NRG3: variants seen among roughly 807,000 people sequenced by gnomAD.
The protein encoded by NRG3 is neuregulin 3.
In NRG3, 31 loss-of-function variants were observed where a neutral mutation model predicts 66.9. That is an observed-to-expected ratio of 0.46 (90% CI 0.35 to 0.63). The LOEUF is 0.63. Among genes scored for constraint, NRG3 ranks in the 20% least tolerant of loss-of-function variants. NRG3 has a pLI of 0.00. For synonymous variants in NRG3, 393 were observed against 359.4 expected (o/e 1.09, Z -1.06); for missense variants, 910 against 878.9 (o/e 1.04, Z -0.45).
At chr10:82,905,598 A>C (rs923938289) in intron 4 of NRG3, among the ~76,000 whole-genome samples, 2 of 152,162 alleles carry the variant, frequency 1.3e-5, no homozygotes, top group Non-Finnish European at 2.9e-5. Context: ...TCTTGGGGAA[A>C]GTGTGCTTCC....
chr10:81,921,295 T>C (rs1002483192), intron 1 of NRG3, among the ~76,000 whole-genome samples: 29 of 152,122 alleles, frequency 1.9e-4, no homozygotes, highest in African/African-American at 7.0e-4. Context: ...TTGTGATTTG[T>C]TTGCTTATAA....
At chr10:82,597,422 A>C (rs1256305994) in intron 2 of NRG3, among the ~76,000 whole-genome samples, 2 of 152,208 alleles carry the variant, frequency 1.3e-5, no homozygotes, top group Admixed American at 1.3e-4. Flanking sequence ...AATGCAGATT[A>C]GCTTTTTATC....
intron 1 of NRG3, among the ~76,000 whole-genome samples, chr10:82,250,049 C>T (rs1225133834): frequency 6.6e-6 from 1 of 152,138 alleles, no homozygotes; most frequent in African/African-American, 2.4e-5. Flanking sequence ...GGCTTGTTAT[C>T]CCCCAGAGCC....
intron 8 of NRG3, among the ~76,000 whole-genome samples, chr10:82,982,166 C>T (rs775872266): frequency 2.0e-5 from 3 of 152,146 alleles, no homozygotes; most frequent in East Asian, 1.9e-4. Flanking sequence ...CAGAGGGAAG[C>T]GTGGATGCCT....
chr10:82,953,082 T>A (rs1037996454), intron 5 of NRG3, among the ~76,000 whole-genome samples: 4 of 151,902 alleles, frequency 2.6e-5, no homozygotes, highest in African/African-American at 9.7e-5. Flanking sequence ...CTAAGGCCCT[T>A]TTGTTAATGC....
chr10:82,189,646 C>T (rs1242032848), intron 1 of NRG3, among the ~76,000 whole-genome samples: 2 of 152,018 alleles, frequency 1.3e-5, no homozygotes, highest in African/African-American at 4.8e-5. Context: ...AAAAATTAGC[C>T]AGGTGTGGCG....
Position 82,461,222 on chromosome 10 carries a change from AT to A in NRG3, c.953+102355del, listed in dbSNP as rs1279033283. On this transcript the variant is annotated intron_variant, in intron 2 of 8. Transcript: ENST00000372141. ...CACCACCATTAACACCATTACCACCATCAACACCACCACCACCACCACCACT... is the reference window on the plus strand; with the variant it reads ...CACCACCATTAACACCATTACCACCACAACACCACCACCACCACCACCACT... 5.1e-3 allele frequency among the ~76,000 whole-genome samples: 778 copies of A among 151,186 alleles called. 7 individuals carry two copies. The highest frequency in any genetic ancestry group is 0.018 in the African/African-American group (753 of 41,104).
chr10:82,031,501 C>A (rs1273335773), intron 1 of NRG3, among the ~76,000 whole-genome samples: 3 of 152,084 alleles, frequency 2.0e-5, no homozygotes, highest in African/African-American at 7.2e-5. Flanking sequence ...AAATAGAAAT[C>A]AATTTCACTG....
chr10:82,891,708 A>G (rs1467608173), intron 4 of NRG3, among the ~76,000 whole-genome samples: 2 of 152,064 alleles, frequency 1.3e-5, no homozygotes, highest in Non-Finnish European at 2.9e-5. Flanking sequence ...CTATAAAATC[A>G]TGTCATCTGA....
chr10:82,142,038 T>C (rs572619002), intron 1 of NRG3, among the ~76,000 whole-genome samples: 1 of 152,306 alleles, frequency 6.6e-6, no homozygotes, highest in Non-Finnish European at 1.5e-5. Context: ...TCAGACCCCA[T>C]GAATACACAC....
At chr10:82,814,404 A>G (rs1382613610) in intron 3 of NRG3, among the ~76,000 whole-genome samples, 1 of 152,246 alleles carries the variant, frequency 6.6e-6, no homozygotes, top group Non-Finnish European at 1.5e-5. Flanking sequence ...ATTAATCACT[A>G]TCATTACTAG....
intron 1 of NRG3, among the ~76,000 whole-genome samples, chr10:81,978,015 T>A (rs1310155753): frequency 6.6e-6 from 1 of 152,230 alleles, no homozygotes; most frequent in South Asian, 2.1e-4. Context: ...AAACATTTGT[T>A]ATTTCTTTCT....
At position 82,244,841 on chromosome 10, in the gene NRG3, C is replaced by T. The variant is rs367971337; in HGVS notation, c.824-113898C>T. On this transcript the variant is annotated intron_variant, in intron 1 of 8. Transcript: ENST00000372141. ...TGCCGCCTCCTGGGTTCAAGCAATT[C>T]TCCTGCTTCAGCCACCTGAGTAGCT... Among the ~76,000 whole-genome samples, 478 of 152,156 alleles carry T rather than the reference C, an allele frequency of 3.1e-3. 1 individual carries two copies. Among genetic ancestry groups the T allele is most frequent in the African/African-American group, 0.011 (443 of 41,518 alleles).
chr10:81,975,520 C>T lies in NRG3; in HGVS notation c.823+99357C>T, dbSNP rs544768152. 5.9e-4 allele frequency among the ~76,000 whole-genome samples: 89 copies of T among 151,960 alleles called. 1 individual carries two copies. Among genetic ancestry groups the T allele is most frequent in the African/African-American group, 1.6e-3 (68 of 41,448 alleles). On this transcript the variant is annotated intron_variant, in intron 1 of 8. Coordinates refer to ENST00000372141, the MANE Select transcript of NRG3 (RefSeq NM_001010848.4). The stretch of plus-strand genomic sequence containing the variant: ...AAGTGATTCCTGGAAGCACCAGCAA[C>T]GAGTGGGAAAGTGAGATGGGGAAAA...
intron 1 of NRG3, among the ~76,000 whole-genome samples, chr10:82,226,158 C>T (rs546684364): frequency 6.6e-6 from 1 of 152,220 alleles, no homozygotes; most frequent in Admixed American, 6.5e-5. Flanking sequence ...ACTTCAGCAT[C>T]CAGTTTTCCC....
chr10:82,746,774 A>G (rs901250945), intron 3 of NRG3, among the ~76,000 whole-genome samples: 3 of 150,690 alleles, frequency 2.0e-5, no homozygotes, highest in Admixed American at 1.3e-4. Flanking sequence ...ATTACACAAT[A>G]TACTCATTTG....
At chr10:82,228,622 T>C (rs2076288415) in intron 1 of NRG3, among the ~76,000 whole-genome samples, 1 of 152,162 alleles carries the variant, frequency 6.6e-6, no homozygotes, top group South Asian at 2.1e-4. Context: ...ATGAAATATA[T>C]TTGAACTATA....
chr10:82,668,432 G>A (rs959686538), intron 2 of NRG3, among the ~76,000 whole-genome samples: 4 of 152,174 alleles, frequency 2.6e-5, no homozygotes, highest in East Asian at 3.9e-4. Flanking sequence ...ATAAGGATTT[G>A]GCCTTCCCCT....
At position 82,157,038 on chromosome 10, in the gene NRG3, A is replaced by G. The variant is rs150506387; in HGVS notation, c.824-201701A>G. ...TAGTAATGATGGGGATTAAATGGTCATTATGAAGTTGTTCAACATTCTTGT... is the reference window on the plus strand; with the variant it reads ...TAGTAATGATGGGGATTAAATGGTCGTTATGAAGTTGTTCAACATTCTTGT... On this transcript the variant is annotated intron_variant, in intron 1 of 8. Transcript: ENST00000372141. Among the ~76,000 whole-genome samples, 290 of 151,828 alleles carry G rather than the reference A, an allele frequency of 1.9e-3. 1 individual carries two copies. Among genetic ancestry groups the G allele is most frequent in the Admixed American group, 2.6e-3 (40 of 15,202 alleles).
Sources: gnomAD v4.1 joint callset for allele counts (sites outside exome capture counted in the v4.1 genomes callset) on GRCh38, gnomAD v4.1.1 for gene constraint, MANE v1.5 for transcripts, NCBI Gene and HGNC (gene_info 2026-07-23, HGNC 2026-07-21) for gene names.